Variants in ZNF708 observed in about 807,000 individuals in gnomAD.
ZNF708 encodes the protein ZNF15, ZNF15L1.
In ZNF708, 44 loss-of-function variants were observed where a neutral mutation model predicts 47.0. The observed-to-expected ratio is 0.94, with a 90% CI of 0.74 to 1.20. The LOEUF (loss-of-function observed/expected upper bound fraction) is 1.20. Among genes scored for constraint, ZNF708 ranks in the 50% most tolerant of loss-of-function variants. The probability of loss-of-function intolerance (pLI) is 0.00; values close to 1 mark genes in which losing one functional copy is unlikely to be tolerated. For missense variants in ZNF708, 557 were observed against 656.0 expected (o/e 0.85, Z 1.65); for synonymous variants, 184 against 218.5 (o/e 0.84, Z 1.39).
In ZNF708 at chr19:21,314,467, A is replaced by G. The variant is rs73537871; in HGVS notation, c.4-3840T>C. Among the ~76,000 whole-genome samples, 721 of 152,340 alleles carry G rather than the reference A, an allele frequency of 4.7e-3. 7 individuals are homozygous for G. Among genetic ancestry groups the G allele is most frequent in the African/African-American group, 0.017 (702 of 41,568 alleles). On this transcript the variant is annotated intron_variant, in intron 1 of 3. Transcript: ENST00000356929. ...AAATATCCCTTCAAGTGATGACATC[A>G]GAAGCCACAACAATATAAATAAAGT... is the stretch of plus-strand genomic sequence containing the variant.
At chr19:21,325,810 C>A (rs1402978282) in intron 1 of ZNF708, among the ~76,000 whole-genome samples, 2 of 152,264 alleles carry the variant, frequency 1.3e-5, no homozygotes, top group African/African-American at 4.8e-5. Flanking sequence ...TCTTCACAAT[C>A]TATACGTCTG....
At chr19:21,319,162 A>G (rs867233628) in intron 1 of ZNF708, among the ~76,000 whole-genome samples, 2 of 152,164 alleles carry the variant, frequency 1.3e-5, no homozygotes, top group Non-Finnish European at 1.5e-5. Flanking sequence ...TGTAGAAAAT[A>G]CTTTTTAATT....
chr19:21,316,940 C>A (rs1973027105), intron 1 of ZNF708, among the ~76,000 whole-genome samples: 1 of 151,988 alleles, frequency 6.6e-6, no homozygotes, highest in African/African-American at 2.4e-5. Flanking sequence ...GCGTGTGCCA[C>A]CACCCTCAGC....
chr19:21,296,377 C>T (rs2145149635), intron 3 of ZNF708, among the ~76,000 whole-genome samples: 1 of 152,182 alleles, frequency 6.6e-6, no homozygotes, highest in African/African-American at 2.4e-5. Context: ...TCACGTGCCC[C>T]TGTAATCCCA....
chr19:21,300,009 T>C (rs965603318), intron 3 of ZNF708, among the ~76,000 whole-genome samples: 4 of 151,802 alleles, frequency 2.6e-5, no homozygotes, highest in Non-Finnish European at 5.9e-5. Context: ...ATACACAAGT[T>C]ATAACAAAAA....
At position 21,292,973 on chromosome 19, in the gene ZNF708, T is replaced by C. The variant is rs1972426295; in HGVS notation, c.*301A>G. On this transcript the variant is annotated 3_prime_UTR_variant, in exon 4 of 4. Coordinates refer to ENST00000356929, the MANE Select transcript of ZNF708 (RefSeq NM_021269.3). ...TTTTTAAAGTTCCTCACCAGTATGA[T>C]TTATTTTATGTTTAGAAAAGTTTGA... 3.8e-6 allele frequency: 1 copy of C among 263,416 alleles called. No individual in the cohort carries two copies. The highest frequency in any genetic ancestry group is 7.3e-6 in the Non-Finnish European group (1 of 136,300). 16.3% of individuals were successfully genotyped at this position (263,416 alleles called of 1,614,324 possible). A position where few individuals can be genotyped will look rare whatever the true frequency, so the allele number is the denominator to read the frequency against.
chr19:21,316,068 C>CA (rs71176850), intron 1 of ZNF708, among the ~76,000 whole-genome samples: 127,290 of 138,972 alleles, frequency 0.92, 58,461 homozygotes, highest in Middle Eastern at 0.99. Context: ...AAACCTGTCT[C>CA]AAAAAAAAAA....
chr19:21,301,558 G>C (rs1246252920), intron 3 of ZNF708, among the ~76,000 whole-genome samples: 2 of 152,156 alleles, frequency 1.3e-5, no homozygotes, highest in Non-Finnish European at 2.9e-5. Context: ...GGAGGTTGCA[G>C]TGAGCCAAGA....
intron 3 of ZNF708, among the ~76,000 whole-genome samples, chr19:21,299,916 T>C (rs746564618): frequency 7.9e-5 from 12 of 152,128 alleles, no homozygotes; most frequent in Non-Finnish European, 1.5e-4. Flanking sequence ...CACAAATAAA[T>C]TGAATGTTAA....
chr19:21,318,869 GAC>G (rs1335786527), intron 1 of ZNF708: 4 of 152,182 alleles, frequency 2.6e-5, no homozygotes, highest in Middle Eastern at 3.4e-3. Context: ...TAAAATGAAA[GAC>G]ACTAAAATTA....
In ZNF708 at chr19:21,294,504, A is replaced by C. The variant is rs1253937655; in HGVS notation, c.462T>G (p.Asn154Lys). 6.2e-7 allele frequency: 1 copy of C among 1,614,002 alleles called. No homozygotes were observed. The highest frequency in any genetic ancestry group is 8.5e-7 in the Non-Finnish European group (1 of 1,180,012). Reference sequence around the variant, plus strand: ...TATGTCTTATCTTATGTCTCTTTGCATTTGAATATTTATGAAAGACTTTCA... The same window carrying C: ...TATGTCTTATCTTATGTCTCTTTGCCTTTGAATATTTATGAAAGACTTTCA... Reference protein sequence around the residue: ...KYVKVFHKYSNAKRHKIRHTG... With the variant: ...KYVKVFHKYSKAKRHKIRHTG... Residue 154 changes from asparagine (N) to lysine (K), a missense_variant, in exon 4 of 4, where the codon AAT becomes AAG. By Grantham distance (94) the Asn-to-Lys change is moderately conservative (BLOSUM62 0). Coordinates refer to ENST00000356929, the MANE Select transcript of ZNF708 (RefSeq NM_021269.3).
At chr19:21,310,158 C>T (rs1972866467) in intron 2 of ZNF708, among the ~76,000 whole-genome samples, 1 of 151,832 alleles carries the variant, frequency 6.6e-6, no homozygotes, top group Non-Finnish European at 1.5e-5. Context: ...TAAAGTTATC[C>T]TCACCTTGCC....
At chr19:21,317,714 T>C (rs1973044145) in intron 1 of ZNF708, among the ~76,000 whole-genome samples, 1 of 152,206 alleles carries the variant, frequency 6.6e-6, no homozygotes, top group African/African-American at 2.4e-5. Context: ...GTCACCATAA[T>C]TAGTCCACAA....
intron 3 of ZNF708, chr19:21,306,980 TAACATAACATA>T (rs1972780145): frequency 6.9e-6 from 1 of 144,026 alleles, no homozygotes; most frequent in Admixed American, 7.1e-5. Flanking sequence ...TAACATAACA[TAACATAACATA>T]ACATAACATA....
intron 3 of ZNF708, among the ~76,000 whole-genome samples, chr19:21,297,264 ATATATATTTTTTTTTTTTT>A (rs1258819415): frequency 1.5e-3 from 21 of 14,000 alleles, no homozygotes; most frequent in South Asian, 0.01. Flanking sequence ...ATATATATAT[ATATATATTTTTTTTTTTTT>A]TTTTTTTTTT....
At chr19:21,304,579 C>T (rs181055958) in intron 3 of ZNF708, among the ~76,000 whole-genome samples, 1 of 152,250 alleles carries the variant, frequency 6.6e-6, no homozygotes, top group East Asian at 1.9e-4. Flanking sequence ...ACGACACATA[C>T]CAAGTCTTAT....
At chr19:21,316,017 C>T (rs552713571) in intron 1 of ZNF708, among the ~76,000 whole-genome samples, 3 of 145,024 alleles carry the variant, frequency 2.1e-5, no homozygotes, top group Non-Finnish European at 3.0e-5. Context: ...TGCAGTGAGC[C>T]GAGTTCGTGC....
rs189532403 is a variant in ZNF708, at chr19:21,293,202, T to C, written c.*72A>G. On this transcript the variant is annotated 3_prime_UTR_variant, in exon 4 of 4. Coordinates refer to ENST00000356929, the MANE Select transcript of ZNF708 (RefSeq NM_021269.3). ...GGCTTTGCCACATTTATCACATTTGTAGGATTTCTCTCCAGTATGAATTAT... is the reference window on the plus strand; with the variant it reads ...GGCTTTGCCACATTTATCACATTTGCAGGATTTCTCTCCAGTATGAATTAT... 1,622 of 1,518,878 alleles carry C rather than the reference T, an allele frequency of 1.1e-3. 26 individuals carry two copies. The Admixed American group carries it at 0.03, about 28-fold the overall frequency. 94.1% of individuals were successfully genotyped at this position (1,518,878 alleles called of 1,614,324 possible).
chr19:21,307,002 ACATAACATAAAACAT>A (rs1599677081), intron 3 of ZNF708: 1 of 148,702 alleles, frequency 6.7e-6, no homozygotes, highest in Non-Finnish European at 1.5e-5. Flanking sequence ...ACATAACATA[ACATAACATAAAACAT>A]AACATAACAT....
Sources: allele counts gnomAD v4.1 joint callset (sites outside exome capture counted in the v4.1 genomes callset), GRCh38; gene constraint gnomAD v4.1.1; transcripts MANE v1.5; gene names NCBI Gene and HGNC (gene_info 2026-07-23, HGNC 2026-07-21).